SLC44A3: variants seen among roughly 807,000 people sequenced by gnomAD.
SLC44A3 encodes solute carrier family 44 member 3.
A neutral mutation model predicts 75.4 loss-of-function variants in SLC44A3; 74 were observed. The observed-to-expected ratio is 0.98, with a 90% CI of 0.81 to 1.19. The LOEUF is 1.19. Among genes scored for constraint, SLC44A3 ranks in the 50% most tolerant of loss-of-function variants. The pLI is 0.00. For synonymous variants in SLC44A3, 310 were observed against 296.9 expected, an observed-to-expected ratio of 1.04 and a Z score of -0.45; for missense variants, 700 against 778.6, an observed-to-expected ratio of 0.90 and a Z score of 1.20.
chr1:94,833,422 C>T (rs1638846257), intron 5 of SLC44A3, among the ~76,000 whole-genome samples: 1 of 152,194 alleles, frequency 6.6e-6, no homozygotes, highest in African/African-American at 2.4e-5. Context: ...CCTCAGAGAG[C>T]AGCCACCTCC....
At position 94,885,681 on chromosome 1, in the gene SLC44A3, C is replaced by T. The variant is rs548150586; in HGVS notation, c.1483-5449C>T. On this transcript the variant is annotated intron_variant, in intron 12 of 14. Coordinates refer to ENST00000271227, the MANE Select transcript of SLC44A3 (RefSeq NM_001114106.3). The stretch of plus-strand genomic sequence containing the variant: ...AGATGGACGCAACATCTATGACACG[C>T]GTGGAACCGGGGGCACACTACTTTA... Among the ~76,000 whole-genome samples the T allele has an allele frequency of 7.2e-5, 11 of 152,244 alleles. No individual in the cohort carries two copies. The South Asian group carries it at 2.1e-3, about 29-fold the overall frequency.
chr1:94,856,126 G>A (rs1219674815), intron 9 of SLC44A3, among the ~76,000 whole-genome samples: 2 of 152,150 alleles, frequency 1.3e-5, no homozygotes, highest in African/African-American at 4.8e-5. Context: ...AAGTTGTTAC[G>A]GTGACCTTGC....
At chr1:94,840,482 GT>G (rs1663475030) in intron 7 of SLC44A3, among the ~76,000 whole-genome samples, 1 of 151,558 alleles carries the variant, frequency 6.6e-6, no homozygotes, top group African/African-American at 2.4e-5. Context: ...TAGAGACGGG[GT>G]TTTGCCATGT....
intron 12 of SLC44A3, 76 bp from the exon 13 acceptor site, chr1:94,891,050 GCAAA>G: frequency 7.9e-7 from 1 of 1,267,992 alleles, no homozygotes; most frequent in Non-Finnish European, 1.1e-6. Flanking sequence ...ACTCTAGTTT[GCAAA>G]CACTCTGTAT....
In SLC44A3 at chr1:94,867,361, C is replaced by A; in HGVS notation, c.1426C>A (p.Arg476=). Residue 476 remains arginine (R), a synonymous_variant, in exon 12 of 15, where the codon CGA becomes AGA. Coordinates refer to ENST00000271227, the MANE Select transcript of SLC44A3 (RefSeq NM_001114106.3). ...QHGALSRYLF[R]CCYCCFWCLD... is the part of the protein sequence containing the mutation. ...TGGTGCATTGTCCAGGTACCTGTTC[C>A]GATGCTGCTACTGCTGTTTCTGGTG... The A allele has an allele frequency of 6.2e-7, 1 of 1,602,264 alleles. No individual in the cohort carries two copies. The highest frequency in any genetic ancestry group is 2.3e-5 in the East Asian group (1 of 44,232).
intron 8 of SLC44A3, chr1:94,843,325 C>T (rs1470514872): frequency 6.6e-6 from 1 of 152,224 alleles, no homozygotes; most frequent in Non-Finnish European, 1.5e-5. Flanking sequence ...AGTCCCAGCT[C>T]ACCTCCCGTT....
intron 5 of SLC44A3, among the ~76,000 whole-genome samples, chr1:94,829,299 C>T (rs1294098226): frequency 1.5e-5 from 2 of 131,812 alleles, no homozygotes; most frequent in African/African-American, 2.8e-5. Flanking sequence ...AAAAGAAAAT[C>T]GTTTACTTTT....
chr1:94,839,821 G>T, intron 6 of SLC44A3, 127 bp from the exon 7 acceptor site: 1 of 724,942 alleles, frequency 1.4e-6, no homozygotes, highest in Non-Finnish European at 2.5e-6. Flanking sequence ...GATATCCCAA[G>T]ATATTTAGAG....
At chr1:94,857,609 A>G in intron 10 of SLC44A3, 109 bp downstream of exon 10, 1 of 1,180,566 alleles carries the variant, frequency 8.5e-7, no homozygotes, top group Non-Finnish European at 1.1e-6. Flanking sequence ...CCTTAAAAGA[A>G]GTTGGCAAGA....
chr1:94,849,650 C>T lies in SLC44A3; in HGVS notation c.1072+4186C>T, dbSNP rs555416878. 2.0e-5 allele frequency among the ~76,000 whole-genome samples: 3 copies of T among 152,356 alleles called. No homozygotes were observed. The South Asian group carries it at 6.2e-4, about 32-fold the overall frequency. On this transcript the variant is annotated intron_variant, in intron 9 of 14. Transcript: ENST00000271227. Reference sequence around the variant, plus strand: ...CACAGTGCCCGATTGTCTCATTCCACGTCCCACAGGCAGCTTCAGCGGGGA... The same window carrying T: ...CACAGTGCCCGATTGTCTCATTCCATGTCCCACAGGCAGCTTCAGCGGGGA...
intron 5 of SLC44A3, among the ~76,000 whole-genome samples, chr1:94,835,180 T>G (rs2101006678): frequency 6.6e-6 from 1 of 152,312 alleles, no homozygotes; most frequent in East Asian, 1.9e-4. Context: ...CCAGGCACAG[T>G]GGCTCACACC....
chr1:94,861,880 A>G (rs1666619919), intron 10 of SLC44A3, among the ~76,000 whole-genome samples: 1 of 152,250 alleles, frequency 6.6e-6, no homozygotes, highest in African/African-American at 2.4e-5. Context: ...TGTGATAGGA[A>G]GGAGCTAGAA....
At chr1:94,827,144 G>T (rs1237551252) in intron 3 of SLC44A3, among the ~76,000 whole-genome samples, 1 of 152,190 alleles carries the variant, frequency 6.6e-6, no homozygotes, top group Non-Finnish European at 1.5e-5. Context: ...GGGTACAAAT[G>T]TGTTCTCCGT....
At chr1:94,854,329 A>G (rs1270425103) in intron 9 of SLC44A3, among the ~76,000 whole-genome samples, 3 of 152,172 alleles carry the variant, frequency 2.0e-5, no homozygotes, top group Non-Finnish European at 4.4e-5. Flanking sequence ...ACCATCAGAG[A>G]GCTGTGGCCC....
At chr1:94,885,224 CA>C (rs60440950) in intron 12 of SLC44A3, among the ~76,000 whole-genome samples, 10,379 of 82,648 alleles carry the variant, frequency 0.13, 494 homozygotes, top group Middle Eastern at 0.2. Flanking sequence ...GACTCCCTCT[CA>C]AAAAAAAAAA....
At chr1:94,836,989 T>A (rs1662917792) in intron 5 of SLC44A3, 1 of 151,428 alleles carries the variant, frequency 6.6e-6, no homozygotes, top group Non-Finnish European at 1.5e-5. Flanking sequence ...CAGAGTAGTA[T>A]TTAGCCTTAA....
intron 9 of SLC44A3, among the ~76,000 whole-genome samples, chr1:94,848,089 C>T (rs368219798): frequency 1.3e-3 from 201 of 152,156 alleles, no homozygotes; most frequent in Admixed American, 2.0e-3. Context: ...CTTAGCCGGG[C>T]GTGGTGGCGG....
chr1:94,868,253 A>C (rs1226980321), intron 12 of SLC44A3, among the ~76,000 whole-genome samples: 1 of 152,220 alleles, frequency 6.6e-6, no homozygotes, highest in East Asian at 1.9e-4. Context: ...TTTATAATTT[A>C]AATGTTCACA....
chr1:94,857,632 G>C (rs1388219252), intron 10 of SLC44A3, 132 bp downstream of exon 10: 1 of 920,174 alleles, frequency 1.1e-6, no homozygotes, highest in Non-Finnish European at 1.5e-6. Flanking sequence ...AAAAGAGTAA[G>C]CTAAAATTTG....
Sources: allele counts gnomAD v4.1 joint callset (sites outside exome capture counted in the v4.1 genomes callset), GRCh38; gene constraint gnomAD v4.1.1; transcripts MANE v1.5; gene names NCBI Gene and HGNC (gene_info 2026-07-23, HGNC 2026-07-21).